The following CDH12 variants were observed in gnomAD, a reference collection of about 807,000 sequenced individuals.
CDH12 encodes cadherin-12.
Under a neutral mutation model 74.1 loss-of-function variants are expected in CDH12, and 41 were observed. The ratio of observed to expected loss-of-function variants is 0.55; its 90% CI spans 0.43 to 0.72. CDH12 has a LOEUF of 0.72. Among genes scored for constraint, CDH12 ranks in the 30% least tolerant of loss-of-function variants. The pLI, the probability that CDH12 is intolerant of heterozygous loss-of-function variation, is 0.00. For missense variants in CDH12, 945 were observed against 977.2 expected (o/e 0.97, Z 0.44); for synonymous variants, 399 against 355.0 (o/e 1.12, Z -1.39).
chr5:22,838,065 A>G (rs1225211192), intron 1 of CDH12, among the ~76,000 whole-genome samples: 2 of 152,092 alleles, frequency 1.3e-5, no homozygotes, highest in Non-Finnish European at 2.9e-5. Context: ...TTGTAGGGAG[A>G]TATTTGATGG....
intron 14 of CDH12, 26 bp downstream of exon 14, chr5:21,755,565 T>G (rs773043064): frequency 1.9e-6 from 3 of 1,595,066 alleles, no homozygotes; most frequent in African/African-American, 1.3e-5. Flanking sequence ...GAGAAAAAAT[T>G]AACAATGATT....
At chr5:22,721,593 T>C (rs1743891954) in intron 1 of CDH12, among the ~76,000 whole-genome samples, 1 of 152,194 alleles carries the variant, frequency 6.6e-6, no homozygotes, top group Non-Finnish European at 1.5e-5. Context: ...TGGAGGACTG[T>C]TGAGAAGGCA....
chr5:22,270,167 T>G (rs183062373), intron 3 of CDH12, among the ~76,000 whole-genome samples: 113 of 152,310 alleles, frequency 7.4e-4, no homozygotes, highest in Middle Eastern at 3.4e-3. Context: ...CTTTACTCAT[T>G]ACAGCCTGAC....
At chr5:21,799,352 A>T (rs530257825) in intron 10 of CDH12, among the ~76,000 whole-genome samples, 24 of 152,300 alleles carry the variant, frequency 1.6e-4, no homozygotes, top group Middle Eastern at 6.8e-3. Context: ...AAGAAATGAA[A>T]TAAAGATGAA....
intron 2 of CDH12, among the ~76,000 whole-genome samples, chr5:22,469,383 T>G (rs964633331): frequency 2.0e-5 from 3 of 152,172 alleles, no homozygotes; most frequent in African/African-American, 7.2e-5. Flanking sequence ...GAAAGATGTG[T>G]TCTGGGCCTC....
At chr5:22,021,873 TG>T (rs2150162324) in intron 5 of CDH12, among the ~76,000 whole-genome samples, 1 of 152,366 alleles carries the variant, frequency 6.6e-6, no homozygotes, top group Admixed American at 6.5e-5. Context: ...AGGCTTGCTC[TG>T]TCACCCACGC....
intron 1 of CDH12, among the ~76,000 whole-genome samples, chr5:22,825,340 A>C (rs1407641133): frequency 6.6e-6 from 1 of 152,194 alleles, no homozygotes; most frequent in East Asian, 1.9e-4. Flanking sequence ...GGAAAGATTT[A>C]TTAAATGTGG....
chr5:21,892,406 G>A (rs1404803763), intron 6 of CDH12, among the ~76,000 whole-genome samples: 2 of 152,064 alleles, frequency 1.3e-5, no homozygotes, highest in Non-Finnish European at 2.9e-5. Flanking sequence ...TAGGTGGTGG[G>A]TTTAGGGTGG....
chr5:21,934,584 A>G (rs1353357016), intron 6 of CDH12, among the ~76,000 whole-genome samples: 1 of 152,202 alleles, frequency 6.6e-6, no homozygotes, highest in Admixed American at 6.5e-5. Context: ...GCACTTCCAT[A>G]CATATATATG....
intron 7 of CDH12, among the ~76,000 whole-genome samples, chr5:21,846,107 CA>C (rs762044636): frequency 6.6e-6 from 1 of 152,158 alleles, no homozygotes; most frequent in Non-Finnish European, 1.5e-5. Context: ...ATCTGCATAA[CA>C]AAAGATTAGG....
intron 1 of CDH12, among the ~76,000 whole-genome samples, chr5:22,549,032 C>T (rs765684601): frequency 9.9e-5 from 15 of 152,076 alleles, no homozygotes; most frequent in Non-Finnish European, 1.8e-4. Flanking sequence ...CTTGACCTCC[C>T]GGCCTCAAGG....
chr5:22,442,258 A>T (rs927015792), intron 2 of CDH12, among the ~76,000 whole-genome samples: 2 of 152,184 alleles, frequency 1.3e-5, no homozygotes, highest in South Asian at 2.1e-4. Context: ...GAGGAAACGT[A>T]AGAGATCTTT....
intron 4 of CDH12, among the ~76,000 whole-genome samples, chr5:22,141,718 G>A (rs1215298648): frequency 6.6e-6 from 1 of 152,100 alleles, no homozygotes; most frequent in Non-Finnish European, 1.5e-5. Context: ...ATATTTTGGA[G>A]TTAAAAATAG....
At chr5:21,776,100 T>C (rs1745571744) in intron 11 of CDH12, among the ~76,000 whole-genome samples, 1 of 152,190 alleles carries the variant, frequency 6.6e-6, no homozygotes, top group South Asian at 2.1e-4. Flanking sequence ...GCTGGCACTT[T>C]CTCTTTCTCT....
Position 22,110,451 on chromosome 5 carries a change from T to G in CDH12, c.-186-31589A>C, listed in dbSNP as rs534705651. The stretch of plus-strand genomic sequence containing the variant: ...CCCCAAAGGCTTGGATGTTAGAAGT[T>G]TTTCAAAGGTAATTTGGGGGAAGGG... On this transcript the variant is annotated intron_variant, in intron 4 of 14. Coordinates refer to ENST00000382254, the MANE Select transcript of CDH12 (RefSeq NM_004061.5). 5.3e-5 allele frequency among the ~76,000 whole-genome samples: 8 copies of G among 151,832 alleles called. No individual in the cohort carries two copies. The South Asian group carries it at 1.7e-3, about 32-fold the overall frequency.
At chr5:22,685,322 C>T (rs1041954815) in intron 1 of CDH12, among the ~76,000 whole-genome samples, 7 of 152,118 alleles carry the variant, frequency 4.6e-5, no homozygotes, top group Non-Finnish European at 8.8e-5. Flanking sequence ...ATTGCAGCCT[C>T]CACCTCCTGG....
At chr5:22,705,498 T>TGC (rs1554060453) in intron 1 of CDH12, among the ~76,000 whole-genome samples, 3 of 35,460 alleles carry the variant, frequency 8.5e-5, no homozygotes, top group African/African-American at 1.4e-4. Context: ...TCAACACACA[T>TGC]GCACACACAC....
chr5:21,797,669 A>G (rs150563635), intron 10 of CDH12, among the ~76,000 whole-genome samples: 232 of 152,304 alleles, frequency 1.5e-3, no homozygotes, highest in South Asian at 5.6e-3. Context: ...CTACTGTGAC[A>G]TAAAATGTAC....
At chr5:22,806,725 AGTG>A (rs1185137457) in intron 1 of CDH12, among the ~76,000 whole-genome samples, 1 of 152,142 alleles carries the variant, frequency 6.6e-6, no homozygotes, top group East Asian at 1.9e-4. Context: ...TCTAATGACC[AGTG>A]ATGATGAGCT....
Sources: allele counts gnomAD v4.1 joint callset (sites outside exome capture counted in the v4.1 genomes callset), GRCh38; gene constraint gnomAD v4.1.1; transcripts MANE v1.5; gene names NCBI Gene and HGNC (gene_info 2026-07-23, HGNC 2026-07-21).